The following GALNT13 variants were observed in gnomAD, a reference collection of about 807,000 sequenced individuals.
GALNT13 encodes polypeptide N-acetylgalactosaminyltransferase 13.
GALNT13 carries 28 observed loss-of-function variants against 64.2 expected under a neutral mutation model. The observed-to-expected ratio is 0.44, with a 90% CI of 0.32 to 0.60. The LOEUF is 0.60. GALNT13 is among the 20% of genes least tolerant of loss of function. The pLI is 0.05. For missense variants in GALNT13, 577 were observed against 669.8 expected (o/e 0.86, Z 1.53); for synonymous variants, 214 against 224.6 (o/e 0.95, Z 0.42).
chr2:154,359,300 A>AC (rs1174642215), intron 9 of GALNT13, among the ~76,000 whole-genome samples: 1 of 152,104 alleles, frequency 6.6e-6, no homozygotes, highest in East Asian at 1.9e-4. Context: ...TGAGATTCAA[A>AC]CACTAGGAAA....
At chr2:153,578,317 A>G in the GALNT13 span, among the ~76,000 whole-genome samples, 1 of 152,224 alleles carries the variant, frequency 6.6e-6, no homozygotes, top group African/African-American at 2.4e-5. Context: ...TTCTTCTGGT[A>G]TAGCCTAAAA....
At chr2:153,879,672 C>T (rs542387087) in intron 1 of GALNT13, among the ~76,000 whole-genome samples, 24 of 152,060 alleles carry the variant, frequency 1.6e-4, no homozygotes, top group East Asian at 7.7e-4. Flanking sequence ...TGATCCTGGC[C>T]GTGCTTTGAG....
At chr2:153,219,849 G>A in the GALNT13 span, among the ~76,000 whole-genome samples, 1 of 152,094 alleles carries the variant, frequency 6.6e-6, no homozygotes, top group South Asian at 2.1e-4. Flanking sequence ...GCTGAATCTG[G>A]GAGAAAAATG....
At chr2:154,153,091 A>G (rs1684156609) in intron 4 of GALNT13, among the ~76,000 whole-genome samples, 1 of 152,114 alleles carries the variant, frequency 6.6e-6, no homozygotes, top group Non-Finnish European at 1.5e-5. Context: ...GATGATGGTG[A>G]CGTACAGATG....
At chr2:153,214,771 T>TA in the GALNT13 span, among the ~76,000 whole-genome samples, 5 of 152,038 alleles carry the variant, frequency 3.3e-5, no homozygotes, top group African/African-American at 4.8e-5. Context: ...AAACATTTAA[T>TA]AAAAAAATAA....
At chr2:154,235,195 C>T (rs929119333) in intron 4 of GALNT13, among the ~76,000 whole-genome samples, 1 of 152,068 alleles carries the variant, frequency 6.6e-6, no homozygotes, top group African/African-American at 2.4e-5. Flanking sequence ...GATCTGATAG[C>T]AAATACACCA....
At chr2:154,113,692 C>G (rs999676894) in intron 3 of GALNT13, among the ~76,000 whole-genome samples, 1 of 152,100 alleles carries the variant, frequency 6.6e-6, no homozygotes, top group African/African-American at 2.4e-5. Flanking sequence ...ATCCAATCAG[C>G]ATAATGTCAT....
At chr2:153,228,982 A>G in the GALNT13 span, among the ~76,000 whole-genome samples, 1 of 152,154 alleles carries the variant, frequency 6.6e-6, no homozygotes, top group Non-Finnish European at 1.5e-5. Flanking sequence ...TTTTTTACCA[A>G]AAAACAAGGA....
At chr2:154,177,243 C>T (rs888798799) in intron 4 of GALNT13, among the ~76,000 whole-genome samples, 2 of 151,798 alleles carry the variant, frequency 1.3e-5, no homozygotes, top group African/African-American at 2.4e-5. Context: ...AGCTCTCAAA[C>T]GAGAAAAAGA....
chr2:153,721,040 A>C, the GALNT13 span, among the ~76,000 whole-genome samples: 1 of 151,814 alleles, frequency 6.6e-6, no homozygotes, highest in Non-Finnish European at 1.5e-5. Flanking sequence ...TGAAGGAAAA[A>C]ATGTTAAGGG....
the GALNT13 span, among the ~76,000 whole-genome samples, chr2:153,459,187 T>C: frequency 1.3e-5 from 2 of 151,850 alleles, no homozygotes; most frequent in African/African-American, 4.8e-5. Context: ...ATAAAATATG[T>C]TGAAAAGAAA....
At chr2:153,204,860 T>G in the GALNT13 span, among the ~76,000 whole-genome samples, 2 of 152,150 alleles carry the variant, frequency 1.3e-5, no homozygotes, top group East Asian at 1.9e-4. Context: ...TATTCTCTAT[T>G]GAAGAAATCT....
the GALNT13 span, among the ~76,000 whole-genome samples, chr2:153,459,783 G>C: frequency 1.3e-5 from 2 of 152,064 alleles, no homozygotes; most frequent in Non-Finnish European, 2.9e-5. Context: ...ATATGTTTGG[G>C]TCAAATTAAA....
At chr2:153,740,220 C>T in the GALNT13 span, among the ~76,000 whole-genome samples, 2 of 151,672 alleles carry the variant, frequency 1.3e-5, 1 homozygote, top group Admixed American at 1.3e-4. Context: ...ACTCTGATTA[C>T]ATCTACACTA....
intron 9 of GALNT13, among the ~76,000 whole-genome samples, chr2:154,371,333 T>C (rs1178994880): frequency 6.6e-6 from 1 of 152,252 alleles, no homozygotes; most frequent in African/African-American, 2.4e-5. Context: ...GTATTTTTAA[T>C]GAGTTTCCAG....
chr2:153,116,214 T>C, the GALNT13 span, among the ~76,000 whole-genome samples: 1 of 152,198 alleles, frequency 6.6e-6, no homozygotes, highest in African/African-American at 2.4e-5. Context: ...AGCTTCAGCA[T>C]CTATTAAAAT....
chr2:154,323,842 G>A (rs1694746054), intron 9 of GALNT13, among the ~76,000 whole-genome samples: 2 of 151,998 alleles, frequency 1.3e-5, no homozygotes, highest in African/African-American at 2.4e-5. Context: ...ATAAGAATGG[G>A]GAAGGAGGAT....
At chr2:153,117,404 G>A in the GALNT13 span, among the ~76,000 whole-genome samples, 1 of 152,152 alleles carries the variant, frequency 6.6e-6, no homozygotes, top group African/African-American at 2.4e-5. Flanking sequence ...GTCAAATATA[G>A]AGTGGGTATG....
At chr2:154,181,375 G>A (rs1022657920) in intron 4 of GALNT13, among the ~76,000 whole-genome samples, 1 of 151,954 alleles carries the variant, frequency 6.6e-6, no homozygotes, top group African/African-American at 2.4e-5. Context: ...TACCAATGAG[G>A]CATTTATTTA....
Sources: gnomAD v4.1 joint callset for allele counts (sites outside exome capture counted in the v4.1 genomes callset) on GRCh38, gnomAD v4.1.1 for gene constraint, MANE v1.5 for transcripts, NCBI Gene and HGNC (gene_info 2026-07-23, HGNC 2026-07-21) for gene names.